The following FHIT variants were observed in gnomAD, a reference collection of about 807,000 sequenced individuals.
FHIT encodes bis(5'-adenosyl)-triphosphatase.
In FHIT, 19 loss-of-function variants were observed where a neutral mutation model predicts 17.9. The observed-to-expected ratio is 1.06, with a 90% CI of 0.74 to 1.56. The LOEUF (loss-of-function observed/expected upper bound fraction) is 1.56, where lower values mean the gene tolerates loss of function less well. FHIT is among the 40% of genes most tolerant of loss of function. FHIT has a pLI of 0.00. For synonymous variants in FHIT, 81 were observed against 69.7 expected (o/e 1.16, Z -0.81); for missense variants, 248 against 189.2 (o/e 1.31, Z -1.82).
intron 4 of FHIT, among the ~76,000 whole-genome samples, chr3:60,553,828 G>A (rs144985637): frequency 3.7e-4 from 56 of 152,212 alleles, no homozygotes; most frequent in Non-Finnish European, 6.6e-4. Context: ...GCTCACACCT[G>A]TAATCCCAGC....
chr3:59,844,386 A>G (rs1460679791), intron 8 of FHIT, among the ~76,000 whole-genome samples: 1 of 152,122 alleles, frequency 6.6e-6, no homozygotes, highest in South Asian at 2.1e-4. Context: ...ATAGAGGCAA[A>G]TCTTTCAGTC....
intron 5 of FHIT, among the ~76,000 whole-genome samples, chr3:60,027,412 C>T (rs1465974116): frequency 6.6e-6 from 1 of 152,096 alleles, no homozygotes; most frequent in Non-Finnish European, 1.5e-5. Flanking sequence ...TCTTTGACAA[C>T]CAACAGTCTT....
intron 4 of FHIT, among the ~76,000 whole-genome samples, chr3:60,796,581 G>GTTGT (rs200513221): frequency 2.6e-5 from 4 of 152,026 alleles, no homozygotes; most frequent in Non-Finnish European, 1.5e-5. Flanking sequence ...AAAGAGGGTT[G>GTTGT]TTGTTTGTTT....
intron 5 of FHIT, among the ~76,000 whole-genome samples, chr3:60,232,809 A>G (rs1477893043): frequency 6.6e-6 from 1 of 152,196 alleles, no homozygotes; most frequent in East Asian, 1.9e-4. Context: ...CATGTCATAT[A>G]CAACAGAGAG....
intron 5 of FHIT, among the ~76,000 whole-genome samples, chr3:60,400,584 T>C (rs1286044998): frequency 6.6e-6 from 1 of 152,034 alleles, no homozygotes; most frequent in East Asian, 1.9e-4. Context: ...GGGGAAGAGC[T>C]GAGCAGAGGT....
At chr3:60,930,798 T>A (rs1427979206) in intron 3 of FHIT, among the ~76,000 whole-genome samples, 2 of 152,130 alleles carry the variant, frequency 1.3e-5, no homozygotes, top group Non-Finnish European at 2.9e-5. Context: ...ATTGTGGAAG[T>A]CAGTGTGGTG....
At chr3:60,019,607 G>A (rs954566157) in intron 5 of FHIT, among the ~76,000 whole-genome samples, 1 of 151,834 alleles carries the variant, frequency 6.6e-6, no homozygotes, top group African/African-American at 2.4e-5. Flanking sequence ...TAGTAGAGAT[G>A]GGGTTTCTCC....
intron 5 of FHIT, among the ~76,000 whole-genome samples, chr3:60,412,781 C>T (rs554244201): frequency 6.6e-6 from 1 of 152,152 alleles, no homozygotes; most frequent in African/African-American, 2.4e-5. Context: ...GACCTGTAAT[C>T]CCCATGTGTC....
intron 3 of FHIT, among the ~76,000 whole-genome samples, chr3:60,887,817 T>G (rs916372247): frequency 2.6e-5 from 4 of 152,132 alleles, no homozygotes; most frequent in African/African-American, 7.2e-5. Flanking sequence ...GCAAAGACTA[T>G]TTAAAAACAA....
intron 5 of FHIT, among the ~76,000 whole-genome samples, chr3:60,494,878 C>T (rs555441795): frequency 2.0e-4 from 30 of 152,202 alleles, no homozygotes; most frequent in Middle Eastern, 6.8e-3. Context: ...ATTCCTCTGC[C>T]GATGGACACT....
intron 7 of FHIT, among the ~76,000 whole-genome samples, chr3:60,009,692 G>A (rs1227811077): frequency 6.6e-6 from 1 of 152,128 alleles, no homozygotes; most frequent in East Asian, 1.9e-4. Flanking sequence ...GTACAATTCA[G>A]TGGCTTTATT....
chr3:61,114,834 G>A (rs1161968444), intron 2 of FHIT, among the ~76,000 whole-genome samples: 2 of 152,146 alleles, frequency 1.3e-5, no homozygotes, highest in Non-Finnish European at 2.9e-5. Flanking sequence ...GGAAGTGAAG[G>A]TTTGAGACCA....
At chr3:60,083,829 T>C (rs1047708679) in intron 5 of FHIT, among the ~76,000 whole-genome samples, 2 of 152,242 alleles carry the variant, frequency 1.3e-5, no homozygotes, top group Non-Finnish European at 2.9e-5. Context: ...GGGCCAAATT[T>C]AGCCTGCAGG....
At chr3:61,196,018 T>C (rs886697031) in intron 2 of FHIT, among the ~76,000 whole-genome samples, 3 of 152,168 alleles carry the variant, frequency 2.0e-5, no homozygotes, top group Admixed American at 2.0e-4. Flanking sequence ...AATGTAAATA[T>C]TACCTGTTGA....
chr3:60,412,703 A>G (rs1702107310), intron 5 of FHIT, among the ~76,000 whole-genome samples: 1 of 152,120 alleles, frequency 6.6e-6, no homozygotes, highest in South Asian at 2.1e-4. Flanking sequence ...TCTCAAACTG[A>G]TATGGTTTGG....
chr3:60,507,243 AT>A lies in FHIT; in HGVS notation c.103+29616del, dbSNP rs1278637147. On this transcript the variant is annotated intron_variant, in intron 5 of 9. Transcript: ENST00000492590. ...CAAGGTAAAAAGACAATGCAAAAAC[AT>A]TCCAGTCAAGAGAGAAACAACATGC... 8.5e-5 allele frequency among the ~76,000 whole-genome samples: 13 copies of A among 152,282 alleles called. No homozygotes were observed. In the South Asian group the frequency reaches 2.3e-3, roughly 27 times the overall value.
At chr3:60,193,053 A>G (rs1336715137) in intron 5 of FHIT, among the ~76,000 whole-genome samples, 2 of 152,200 alleles carry the variant, frequency 1.3e-5, no homozygotes, top group Non-Finnish European at 2.9e-5. Flanking sequence ...GTAGAATTGT[A>G]AACACCAGAC....
intron 4 of FHIT, among the ~76,000 whole-genome samples, chr3:60,759,778 T>C (rs576728420): frequency 6.6e-6 from 1 of 152,304 alleles, no homozygotes; most frequent in South Asian, 2.1e-4. Context: ...CCCAGACAAG[T>C]GCATTCTGAG....
intron 3 of FHIT, among the ~76,000 whole-genome samples, chr3:61,022,473 G>C (rs2032499060): frequency 6.6e-6 from 1 of 152,158 alleles, no homozygotes; most frequent in Non-Finnish European, 1.5e-5. Context: ...TAGAAAAAGA[G>C]GGACTCCTCC....
Sources: gnomAD v4.1 joint callset for allele counts (sites outside exome capture counted in the v4.1 genomes callset) on GRCh38, gnomAD v4.1.1 for gene constraint, MANE v1.5 for transcripts, NCBI Gene and HGNC (gene_info 2026-07-23, HGNC 2026-07-21) for gene names.